NOX4: variants seen among roughly 807,000 people sequenced by gnomAD.
The protein encoded by NOX4 is NADPH oxidase 4, also known as kidney oxidase-1.
A neutral mutation model predicts 87.6 loss-of-function variants in NOX4; 69 were observed. The ratio of observed to expected loss-of-function variants is 0.79; its 90% CI spans 0.65 to 0.96. The LOEUF is 0.96. Among genes scored for constraint, NOX4 ranks in the 40% least tolerant of loss-of-function variants. The pLI is 0.00. For synonymous variants in NOX4, 275 were observed against 238.2 expected (o/e 1.15, Z -1.42); for missense variants, 680 against 681.5 (o/e 1.00, Z 0.02).
At chr11:89,457,158 C>T (rs1945243065) in intron 2 of NOX4, among the ~76,000 whole-genome samples, 1 of 152,178 alleles carries the variant, frequency 6.6e-6, no homozygotes, top group African/African-American at 2.4e-5. Flanking sequence ...CTCCCTCTCC[C>T]CATGTGGGCA....
intron 2 of NOX4, among the ~76,000 whole-genome samples, chr11:89,468,336 C>T (rs536742136): frequency 4.6e-5 from 7 of 152,300 alleles, no homozygotes; most frequent in Admixed American, 1.3e-4. Context: ...TTTCTCCATG[C>T]TAAATACAAT....
At chr11:89,355,748 A>G (rs1269600449) in intron 12 of NOX4, among the ~76,000 whole-genome samples, 5 of 152,262 alleles carry the variant, frequency 3.3e-5, no homozygotes, top group South Asian at 2.1e-4. Flanking sequence ...ACAATTTGGC[A>G]TTATCATTTA....
At chr11:89,360,016 C>T (rs1330363088) in intron 12 of NOX4, among the ~76,000 whole-genome samples, 1 of 151,930 alleles carries the variant, frequency 6.6e-6, no homozygotes, top group Non-Finnish European at 1.5e-5. Flanking sequence ...GATTAAGACT[C>T]TATTAAAGTC....
At chr11:89,380,214 T>C (rs1163063562) in intron 11 of NOX4, among the ~76,000 whole-genome samples, 2 of 152,052 alleles carry the variant, frequency 1.3e-5, no homozygotes, top group Non-Finnish European at 2.9e-5. Context: ...TACTTAGAGC[T>C]TGTGGGGATG....
intron 11 of NOX4, among the ~76,000 whole-genome samples, chr11:89,399,385 C>A (rs1182677304): frequency 7.2e-6 from 1 of 139,564 alleles, no homozygotes; most frequent in Non-Finnish European, 1.5e-5. Context: ...TTTCCATATA[C>A]ATTAAAATAC....
chr11:89,460,150 A>T (rs1945385990), intron 2 of NOX4, among the ~76,000 whole-genome samples: 1 of 152,212 alleles, frequency 6.6e-6, no homozygotes, highest in Non-Finnish European at 1.5e-5. Context: ...CACCTTATAC[A>T]AAAATTAATT....
chr11:89,358,788 ACTT>A (rs973675747), intron 12 of NOX4, among the ~76,000 whole-genome samples: 3 of 151,842 alleles, frequency 2.0e-5, no homozygotes, highest in African/African-American at 7.3e-5. Context: ...TATTAATGCT[ACTT>A]CTTTTGCAGG....
At chr11:89,403,082 G>T (rs1433201035) in intron 8 of NOX4, among the ~76,000 whole-genome samples, 1 of 152,134 alleles carries the variant, frequency 6.6e-6, no homozygotes, top group African/African-American at 2.4e-5. Flanking sequence ...ACAGCAATCA[G>T]TCCCTAAATC....
chr11:89,428,586 T>A (rs969177222), intron 7 of NOX4, among the ~76,000 whole-genome samples: 1 of 151,780 alleles, frequency 6.6e-6, no homozygotes, highest in East Asian at 1.9e-4. Context: ...TAAAACAGAC[T>A]TTAAACCAAC....
chr11:89,405,676 GT>G (rs1370827232), intron 8 of NOX4, among the ~76,000 whole-genome samples: 1 of 150,894 alleles, frequency 6.6e-6, no homozygotes, highest in Non-Finnish European at 1.5e-5. Flanking sequence ...CTGTAATTAG[GT>G]GGTGAAGGTA....
At chr11:89,392,588 A>T (rs139657593) in intron 11 of NOX4, among the ~76,000 whole-genome samples, 5,214 of 152,276 alleles carry the variant, frequency 0.034, 171 homozygotes, top group East Asian at 0.13. Flanking sequence ...AAAAATATCA[A>T]GTACATGAGG....
intron 1 of NOX4, chr11:89,490,767 T>G: frequency 1.4e-6 from 1 of 694,952 alleles, no homozygotes; most frequent in Non-Finnish European, 2.6e-6. Context: ...GACTAAGCAT[T>G]TGGGTTGCAA....
At chr11:89,368,407 G>C (rs1470154831) in intron 12 of NOX4, among the ~76,000 whole-genome samples, 2 of 152,018 alleles carry the variant, frequency 1.3e-5, no homozygotes, top group Non-Finnish European at 2.9e-5. Flanking sequence ...ATTTATCACA[G>C]TTCTAAAGGC....
upstream of NOX4, among the ~76,000 whole-genome samples, chr11:89,500,792 T>C (rs905627119): frequency 1.3e-5 from 2 of 152,144 alleles, no homozygotes; most frequent in Admixed American, 6.6e-5. Flanking sequence ...TACCCACTTA[T>C]ATGGTTCACT....
Sources: allele counts gnomAD v4.1 joint callset (sites outside exome capture counted in the v4.1 genomes callset), GRCh38; gene constraint gnomAD v4.1.1; transcripts MANE v1.5; gene names NCBI Gene and HGNC (gene_info 2026-07-23, HGNC 2026-07-21).